The following GSE1 variants were observed in gnomAD, a reference collection of about 807,000 sequenced individuals.
GSE1 encodes the protein genetic suppressor element 1.
GSE1 carries 32 observed loss-of-function variants against 112.6 expected under a neutral mutation model. The ratio of observed to expected loss-of-function variants is 0.28; its 90% CI spans 0.21 to 0.38. The LOEUF (loss-of-function observed/expected upper bound fraction) is 0.38, where lower values mean the gene tolerates loss of function less well. Ranked by LOEUF, GSE1 falls within the 10% of genes least tolerant of loss-of-function variation. The pLI is 1.00. For synonymous variants in GSE1, 1,115 were observed against 735.6 expected (o/e 1.52, Z -8.35); for missense variants, 2,348 against 1,699.2 (o/e 1.38, Z -6.71).
intron 2 of GSE1, among the ~76,000 whole-genome samples, chr16:85,443,078 G>A (rs2049419673): frequency 6.6e-6 from 1 of 152,234 alleles, no homozygotes; most frequent in Non-Finnish European, 1.5e-5. Flanking sequence ...GGTCTCATCT[G>A]AGATCTCTGA....
In GSE1 at chr16:85,673,538, ATATTGAAGTGTTTTTAAAAAT is replaced by A. The variant is rs1047061865; in HGVS notation, c.*1002_*1022del. 8 of 152,046 alleles carry A rather than the reference ATATTGAAGTGTTTTTAAAAAT, an allele frequency of 5.3e-5. No individual in the cohort carries two copies. Among genetic ancestry groups the A allele is most frequent in the Non-Finnish European group, 1.0e-4 (7 of 68,004 alleles). 9.4% of individuals were successfully genotyped at this position (152,046 alleles called of 1,614,324 possible). A position where few individuals can be genotyped will look rare whatever the true frequency, so the allele number is the denominator to read the frequency against. On this transcript the variant is annotated 3_prime_UTR_variant, in exon 16 of 16. Coordinates refer to ENST00000253458, the MANE Select transcript of GSE1 (RefSeq NM_014615.5). ...TACTGCTGCTGGTCAGGACATTAAA[ATATTGAAGTGTTTTTAAAAAT>A]TAAAGAAGAAGAAAAGTAAAAGAGC...
chr16:85,578,714 T>C (rs1249331918), intron 1 of GSE1, among the ~76,000 whole-genome samples: 1 of 152,108 alleles, frequency 6.6e-6, no homozygotes, highest in Admixed American at 6.5e-5. Flanking sequence ...GCCAGCATTC[T>C]CTGCCTCCAC....
intron 2 of GSE1, among the ~76,000 whole-genome samples, chr16:85,454,999 A>C (rs1308964420): frequency 6.6e-6 from 1 of 152,206 alleles, no homozygotes; most frequent in East Asian, 1.9e-4. Context: ...CCTGGGTGCC[A>C]GGTTCTGTGC....
At position 85,262,456 on chromosome 16, in the gene GSE1, C is replaced by T. The variant is rs76761610; in HGVS notation, c.2283+90649C>T. Among the ~76,000 whole-genome samples the T allele has an allele frequency of 2.0e-4, 30 of 152,316 alleles. No individual in the cohort carries two copies. The East Asian group carries it at 4.8e-3, about 25-fold the overall frequency. Reference sequence around the variant, plus strand: ...GGGCCTCTCAGATGGCAGGCATCATCGTCACGGCCCTGAAGCCGCATGCCG... The same window carrying T: ...GGGCCTCTCAGATGGCAGGCATCATTGTCACGGCCCTGAAGCCGCATGCCG... On this transcript the variant is annotated intron_variant, in intron 1 of 2. Coordinates refer to the GSE1 transcript ENST00000637419.
At chr16:85,577,179 G>A (rs2046262792) in intron 1 of GSE1, among the ~76,000 whole-genome samples, 1 of 152,184 alleles carries the variant, frequency 6.6e-6, no homozygotes, top group Admixed American at 6.5e-5. Flanking sequence ...ACCCGGCCAG[G>A]GGCAGAGGCA....
At chr16:85,206,059 G>A (rs1682451958) in intron 1 of GSE1, among the ~76,000 whole-genome samples, 1 of 152,162 alleles carries the variant, frequency 6.6e-6, no homozygotes, top group African/African-American at 2.4e-5. Context: ...GAGAAACAGG[G>A]AACAGGGCAG....
intron 1 of GSE1, among the ~76,000 whole-genome samples, chr16:85,284,740 G>A (rs966521418): frequency 5.9e-5 from 9 of 152,132 alleles, no homozygotes; most frequent in African/African-American, 1.9e-4. Flanking sequence ...AATACTAAGG[G>A]GAAGGCTGTC....
chr16:85,529,675 G>A (rs2052478953), intron 2 of GSE1, among the ~76,000 whole-genome samples: 1 of 152,230 alleles, frequency 6.6e-6, no homozygotes, highest in South Asian at 2.1e-4. Flanking sequence ...GGCTTTAGGT[G>A]TCCCTGGCTG....
intron 1 of GSE1, among the ~76,000 whole-genome samples, chr16:85,247,299 G>A (rs975626841): frequency 6.6e-6 from 1 of 152,180 alleles, no homozygotes; most frequent in Admixed American, 6.5e-5. Flanking sequence ...CCACAATTGT[G>A]TGTTGTTTGG....
intron 2 of GSE1, among the ~76,000 whole-genome samples, chr16:85,541,443 C>T (rs1434335345): frequency 1.3e-5 from 2 of 152,246 alleles, no homozygotes; most frequent in African/African-American, 2.4e-5. Context: ...GACCGTGTCC[C>T]CACTGCCCCA....
chr16:85,564,774 C>T (rs535791422), intron 1 of GSE1, among the ~76,000 whole-genome samples: 3 of 152,158 alleles, frequency 2.0e-5, no homozygotes, highest in African/African-American at 4.8e-5. Flanking sequence ...GGAGCCTGTG[C>T]GGAAGGGGTA....
chr16:85,643,071 C>T (rs982549176), intron 2 of GSE1, among the ~76,000 whole-genome samples: 54 of 152,154 alleles, frequency 3.5e-4, no homozygotes, highest in African/African-American at 2.2e-4. Flanking sequence ...TGTGGCGCTG[C>T]GGTCCTGTTT....
intron 2 of GSE1, among the ~76,000 whole-genome samples, chr16:85,528,250 G>T (rs926393456): frequency 1.3e-5 from 2 of 152,250 alleles, no homozygotes; most frequent in Non-Finnish European, 2.9e-5. Context: ...GTTGAAAAGC[G>T]ATGTGGGGAA....
intron 2 of GSE1, among the ~76,000 whole-genome samples, chr16:85,438,784 A>C (rs1389511889): frequency 1.3e-5 from 2 of 152,182 alleles, no homozygotes; most frequent in African/African-American, 4.8e-5. Flanking sequence ...TGAAGAAGCA[A>C]AGGGTGCTGG....
intron 2 of GSE1, among the ~76,000 whole-genome samples, chr16:85,507,122 C>T (rs928707526): frequency 5.9e-5 from 9 of 152,196 alleles, no homozygotes; most frequent in African/African-American, 2.2e-4. Flanking sequence ...GAAGATCCAT[C>T]AGCGGGCGTC....
At chr16:85,547,029 G>A (rs1368874739) in intron 2 of GSE1, among the ~76,000 whole-genome samples, 1 of 152,194 alleles carries the variant, frequency 6.6e-6, no homozygotes, top group Non-Finnish European at 1.5e-5. Context: ...GAGTGTGGAC[G>A]TGAGTTTTGT....
At chr16:85,521,309 C>T (rs962765990) in intron 2 of GSE1, among the ~76,000 whole-genome samples, 3 of 152,198 alleles carry the variant, frequency 2.0e-5, no homozygotes, top group Admixed American at 6.5e-5. Flanking sequence ...AACCTCACCT[C>T]GCGCTCACCT....
In GSE1 at chr16:85,657,434, C is replaced by T; in HGVS notation, c.1470C>T (p.Arg490=). Residue 490 remains arginine (R), a synonymous_variant, in exon 8 of 16, where the codon CGC becomes CGT. Coordinates refer to ENST00000253458, the MANE Select transcript of GSE1 (RefSeq NM_014615.5). ...CTGCCACAGCCCTGCTGATCCAGCG[C>T]ACCAATGAGGAGGAGAAGTGGCTGG... ...SSAATALLIQ[R]TNEEEKWLAR... is the part of the protein sequence containing the mutation. 6.2e-7 allele frequency: 1 copy of T among 1,612,706 alleles called. No homozygotes were observed. Among genetic ancestry groups the T allele is most frequent in the Non-Finnish European group, 8.5e-7 (1 of 1,179,854 alleles).
At chr16:85,573,161 G>T (rs2046079699) in intron 1 of GSE1, among the ~76,000 whole-genome samples, 1 of 152,186 alleles carries the variant, frequency 6.6e-6, no homozygotes, top group African/African-American at 2.4e-5. Flanking sequence ...ACTGCGCCCG[G>T]CCCATCCCTT....
Sources: gnomAD v4.1 joint callset for allele counts (sites outside exome capture counted in the v4.1 genomes callset) on GRCh38, gnomAD v4.1.1 for gene constraint, MANE v1.5 for transcripts, NCBI Gene and HGNC (gene_info 2026-07-23, HGNC 2026-07-21) for gene names.